Variants in RNF115 observed in about 807,000 individuals in gnomAD.
The protein encoded by RNF115 is E3 ubiquitin-protein ligase RNF115.
RNF115 carries 31 observed loss-of-function variants against 39.2 expected under a neutral mutation model. That is an observed-to-expected ratio of 0.79 (90% confidence interval 0.59 to 1.07). The LOEUF (loss-of-function observed/expected upper bound fraction) is 1.07. RNF115 is among the 50% of genes least tolerant of loss of function. The probability of loss-of-function intolerance (pLI) is 0.00; values close to 1 mark genes in which losing one functional copy is unlikely to be tolerated. For missense variants in RNF115, 384 were observed against 381.7 expected (o/e 1.01, Z -0.05); for synonymous variants, 124 against 131.0 (o/e 0.95, Z 0.37).
rs1657651221 is a variant in RNF115, at chr1:145,740,287, T to TA, written c.*6578dup. ...TCCACATATAAAAATCTGTGACACA[T>TA]AATCACAGAAAGGAAACATCACTGC... On this transcript the variant is annotated 3_prime_UTR_variant, in exon 9 of 9. Transcript: ENST00000582693. 2 of 152,196 alleles carry TA rather than the reference T, an allele frequency of 1.3e-5. No individual in the cohort carries two copies. The highest frequency in any genetic ancestry group is 1.5e-5 in the Non-Finnish European group (1 of 68,030). The allele number at this position is 152,196 out of a possible 1,614,324, so 9.4% of individuals were successfully genotyped here. A position where few individuals can be genotyped will look rare whatever the true frequency, so the allele number is the denominator to read the frequency against.
chr1:145,756,760 CCCA>C (rs1658307994), intron 4 of RNF115, among the ~76,000 whole-genome samples: 1 of 151,576 alleles, frequency 6.6e-6, no homozygotes, highest in African/African-American at 2.4e-5. Context: ...ATGTATGCCC[CCCA>C]CAACCTCTGC....
At chr1:145,756,875 C>T (rs1553713248) in intron 4 of RNF115, among the ~76,000 whole-genome samples, 2 of 137,074 alleles carry the variant, frequency 1.5e-5, no homozygotes, top group African/African-American at 5.7e-5. Context: ...GTCTCACTCT[C>T]GCCCAGGCCA....
chr1:145,788,831 C>A, intron 2 of RNF115, 77 bp downstream of exon 2: 1 of 1,050,374 alleles, frequency 9.5e-7, no homozygotes, highest in Non-Finnish European at 1.5e-6. Flanking sequence ...AAAACAAATT[C>A]AACTTACTCA....
intron 2 of RNF115, 106 bp from the exon 3 acceptor site, chr1:145,784,702 A>G: frequency 2.2e-6 from 2 of 897,962 alleles, no homozygotes; most frequent in South Asian, 2.9e-5. Flanking sequence ...ATAAGGAAAA[A>G]TAACTCATCC....
chr1:145,750,933 A>G (rs1658063292), intron 6 of RNF115, among the ~76,000 whole-genome samples: 1 of 152,260 alleles, frequency 6.6e-6, no homozygotes, highest in African/African-American at 2.4e-5. Flanking sequence ...ACGACTGAAT[A>G]TAAAGGACAT....
At chr1:145,765,961 G>C (rs1647241953) in intron 4 of RNF115, among the ~76,000 whole-genome samples, 1 of 151,612 alleles carries the variant, frequency 6.6e-6, no homozygotes, top group South Asian at 2.1e-4. Context: ...GCTAATCTCT[G>C]ACATCTGATT....
chr1:145,747,914 T>C, intron 8 of RNF115, 81 bp downstream of exon 8: 1 of 934,350 alleles, frequency 1.1e-6, no homozygotes, highest in Non-Finnish European at 1.8e-6. Context: ...TAAAATCTGA[T>C]CTACTTGGAT....
intron 8 of RNF115, among the ~76,000 whole-genome samples, chr1:145,747,611 C>A (rs1657923969): frequency 6.6e-6 from 1 of 152,118 alleles, no homozygotes; most frequent in South Asian, 2.1e-4. Flanking sequence ...CCACTGCACT[C>A]CAGTCTGGGT....
At chr1:145,797,711 A>T (rs587667321) in intron 1 of RNF115, among the ~76,000 whole-genome samples, 35 of 152,244 alleles carry the variant, frequency 2.3e-4, no homozygotes, top group African/African-American at 8.4e-4. Flanking sequence ...TTTTTTGAGG[A>T]ACTGCCATGC....
At chr1:145,764,773 C>G (rs1658693411) in intron 4 of RNF115, among the ~76,000 whole-genome samples, 1 of 149,522 alleles carries the variant, frequency 6.7e-6, no homozygotes, top group Admixed American at 6.8e-5. Context: ...AGCCCCCGCC[C>G]AGCCAGCCGC....
At chr1:145,821,455 CTCTTT>C (rs1345870967) in intron 1 of RNF115, among the ~76,000 whole-genome samples, 1 of 71,386 alleles carries the variant, frequency 1.4e-5, no homozygotes, top group Non-Finnish European at 3.0e-5. Context: ...TGTCTTCTCA[CTCTTT>C]TTTTTTTTTT....
Position 145,741,697 on chromosome 1 carries a change from T to C in RNF115, c.*5169A>G, listed in dbSNP as rs587718192. The stretch of plus-strand genomic sequence containing the variant: ...TCGTCCCCAATCCCCAGATCTCCAA[T>C]GGATTATTCTTGTAAACAGCACTTT... On this transcript the variant is annotated 3_prime_UTR_variant, in exon 9 of 9. Coordinates refer to ENST00000582693, the MANE Select transcript of RNF115 (RefSeq NM_014455.4). The C allele has an allele frequency of 6.6e-6, 1 of 152,412 alleles. No individual in the cohort carries two copies. The highest frequency in any genetic ancestry group is 2.1e-4 in the South Asian group (1 of 4,822). The allele number at this position is 152,412 out of a possible 1,614,324, so 9.4% of individuals were successfully genotyped here. A position where few individuals can be genotyped will look rare whatever the true frequency, so the allele number is the denominator to read the frequency against.
At chr1:145,794,496 C>CTCTT (rs1443514003) in intron 1 of RNF115, among the ~76,000 whole-genome samples, 26 of 138,310 alleles carry the variant, frequency 1.9e-4, no homozygotes, top group Non-Finnish European at 3.1e-4. Context: ...GGCATCTAAT[C>CTCTT]TCTTTCTTTT....
intron 4 of RNF115, among the ~76,000 whole-genome samples, chr1:145,770,215 T>C (rs904814305): frequency 7.2e-5 from 11 of 152,184 alleles, no homozygotes; most frequent in Non-Finnish European, 1.5e-4. Context: ...TAATAAATTA[T>C]GAATAAAATT....
At chr1:145,765,134 T>C (rs1486946920) in intron 4 of RNF115, among the ~76,000 whole-genome samples, 1 of 152,188 alleles carries the variant, frequency 6.6e-6, no homozygotes, top group African/African-American at 2.4e-5. Flanking sequence ...AACCCTGTGC[T>C]CTCTGAAACA....
At chr1:145,790,879 C>T (rs10910834) in intron 1 of RNF115, among the ~76,000 whole-genome samples, 71,204 of 151,546 alleles carry the variant, frequency 0.47, 17,041 homozygotes, top group East Asian at 0.7. Context: ...CGGTGGCTCA[C>T]GCCTGCAATC....
chr1:145,759,775 C>T (rs1194802465), intron 4 of RNF115, among the ~76,000 whole-genome samples: 1 of 152,010 alleles, frequency 6.6e-6, no homozygotes, highest in East Asian at 1.9e-4. Context: ...AATCTAATAC[C>T]CACCTCCCCA....
At chr1:145,747,887 G>A in intron 8 of RNF115, 108 bp downstream of exon 8, 1 of 799,330 alleles carries the variant, frequency 1.3e-6, no homozygotes, top group East Asian at 2.6e-5. Context: ...ATCAGAGTAA[G>A]CCAGGGATTT....
intron 4 of RNF115, among the ~76,000 whole-genome samples, chr1:145,758,688 T>C (rs587764053): frequency 6.6e-6 from 1 of 152,292 alleles, no homozygotes; most frequent in South Asian, 2.1e-4. Context: ...AAGTCAATCC[T>C]ATATGAATGC....
Sources: allele counts gnomAD v4.1 joint callset (sites outside exome capture counted in the v4.1 genomes callset), GRCh38; gene constraint gnomAD v4.1.1; transcripts MANE v1.5; gene names NCBI Gene and HGNC (gene_info 2026-07-23, HGNC 2026-07-21).